The following UBE3A variants were observed in gnomAD, a reference collection of about 807,000 sequenced individuals.
The protein encoded by UBE3A is ubiquitin-protein ligase E3A.
A neutral mutation model predicts 83.4 loss-of-function variants in UBE3A; 6 were observed. That is an observed-to-expected ratio of 0.07 (90% CI 0.04 to 0.14). The LOEUF (loss-of-function observed/expected upper bound fraction) is 0.14. Ranked by LOEUF, UBE3A falls within the 10% of genes least tolerant of loss-of-function variation. The pLI is 1.00. For synonymous variants in UBE3A, 337 were observed against 355.4 expected, an observed-to-expected ratio of 0.95 and a Z score of 0.58; for missense variants, 456 against 1,036.1, an observed-to-expected ratio of 0.44 and a Z score of 7.69.
At chr15:25,387,380 C>T (rs980756093) in intron 4 of UBE3A, among the ~76,000 whole-genome samples, 1 of 151,866 alleles carries the variant, frequency 6.6e-6, no homozygotes, top group Non-Finnish European at 1.5e-5. Flanking sequence ...AAATTAGCCA[C>T]ACGTGGTGGC....
intron 1 of UBE3A, among the ~76,000 whole-genome samples, chr15:25,419,641 A>G (rs1888735553): frequency 6.6e-6 from 1 of 152,144 alleles, no homozygotes; most frequent in African/African-American, 2.4e-5. Flanking sequence ...TGTTATTCTT[A>G]GTTTTTAAGT....
rs1247345581 is a variant in UBE3A at position 25,370,288 on chromosome 15, CTGAA to C, written c.1608+274_1608+277del. Among the ~76,000 whole-genome samples, 1 of 152,194 alleles carries C rather than the reference CTGAA, an allele frequency of 6.6e-6. No individual in the cohort carries two copies. The highest frequency in any genetic ancestry group is 2.4e-5 in the African/African-American group (1 of 41,446). On this transcript the variant is annotated intron_variant, in intron 6 of 12. Coordinates refer to ENST00000648336, the MANE Select transcript of UBE3A (RefSeq NM_130839.5). The surrounding 1 kb of genome is among the most constrained non-coding windows in gnomAD (Gnocchi z 4.2). ...TCTTTGTCCAACACTCTATTCTCTT[CTGAA>C]TGAAAGAAACTTTGGATTTAGTTTT...
intron 6 of UBE3A, among the ~76,000 whole-genome samples, chr15:25,362,833 T>C (rs149640531): frequency 4.8e-4 from 73 of 152,318 alleles, no homozygotes; most frequent in Middle Eastern, 3.4e-3. Flanking sequence ...TGTAAGTCAG[T>C]GTTTATATTT....
intron 4 of UBE3A, chr15:25,393,880 C>T (rs1485058786): frequency 6.6e-6 from 1 of 152,204 alleles, no homozygotes; most frequent in East Asian, 1.9e-4. Context: ...AAGCAAAGGG[C>T]CTTAGCGTGC....
chr15:25,432,057 G>C (rs1443556075), intron 1 of UBE3A, among the ~76,000 whole-genome samples: 1 of 152,160 alleles, frequency 6.6e-6, no homozygotes, highest in Non-Finnish European at 1.5e-5. Context: ...TCTGTTAAGA[G>C]ACAAAAAAGT....
chr15:25,434,043 C>A (rs1248462175), intron 1 of UBE3A, among the ~76,000 whole-genome samples: 1 of 152,204 alleles, frequency 6.6e-6, no homozygotes, highest in South Asian at 2.1e-4. Context: ...ACTTGGGCAA[C>A]ACAGCGAGAC....
chr15:25,383,656 A>T (rs2082589871), intron 4 of UBE3A, among the ~76,000 whole-genome samples: 1 of 152,114 alleles, frequency 6.6e-6, no homozygotes, highest in African/African-American at 2.4e-5. Context: ...ACAAAAACAA[A>T]AACGCTCAAT....
At chr15:25,435,423 T>C (rs929047747) in intron 1 of UBE3A, among the ~76,000 whole-genome samples, 1 of 152,204 alleles carries the variant, frequency 6.6e-6, no homozygotes, top group Non-Finnish European at 1.5e-5. Context: ...ATGCCTGCTC[T>C]AGTGCTGTGG....
intron 1 of UBE3A, among the ~76,000 whole-genome samples, chr15:25,412,679 C>T (rs2090206664): frequency 6.6e-6 from 1 of 151,110 alleles, no homozygotes; most frequent in Admixed American, 6.6e-5. Context: ...AAATAAAGTC[C>T]TTTCATGTAC....
chr15:25,372,726 T>C (rs1320703140), intron 5 of UBE3A, among the ~76,000 whole-genome samples: 1 of 152,212 alleles, frequency 6.6e-6, no homozygotes, highest in Admixed American at 6.5e-5. Flanking sequence ...ATACTGAGAA[T>C]AGTCTTAATT....
At chr15:25,351,200 T>G (rs994951887) in intron 11 of UBE3A, among the ~76,000 whole-genome samples, 1 of 152,176 alleles carries the variant, frequency 6.6e-6, no homozygotes, top group Admixed American at 6.5e-5. Flanking sequence ...TTTATATACA[T>G]GTATACAGAT....
intron 4 of UBE3A, among the ~76,000 whole-genome samples, chr15:25,383,532 G>A (rs1479700224): frequency 6.6e-6 from 1 of 152,110 alleles, no homozygotes; most frequent in Non-Finnish European, 1.5e-5. Context: ...AGCTACTCGG[G>A]AGGCTGAGGC....
chr15:25,429,838 C>A (rs1350094048), intron 1 of UBE3A, among the ~76,000 whole-genome samples: 1 of 150,688 alleles, frequency 6.6e-6, no homozygotes, highest in African/African-American at 2.5e-5. Context: ...AACCCTGTAT[C>A]TACTAAAAAT....
At chr15:25,378,707 C>A (rs1298505810) in intron 4 of UBE3A, among the ~76,000 whole-genome samples, 4 of 152,010 alleles carry the variant, frequency 2.6e-5, no homozygotes, top group Non-Finnish European at 4.4e-5. Flanking sequence ...GAAGGTGATT[C>A]ATTTCAAAAT....
At chr15:25,412,535 T>C (rs928137207) in intron 1 of UBE3A, among the ~76,000 whole-genome samples, 1 of 152,150 alleles carries the variant, frequency 6.6e-6, no homozygotes, top group African/African-American at 2.4e-5. Flanking sequence ...TTATAATTTA[T>C]TAAATCAACC....
Position 25,337,609 on chromosome 15 carries a change from T to C in UBE3A, c.*1528A>G, listed in dbSNP as rs1471554854. Reference sequence around the variant, plus strand: ...CATCCTTTTTCTCCCCCCAATGATTTGAAAGCTGCATTTTTCCTGCCAATT... The same window carrying C: ...CATCCTTTTTCTCCCCCCAATGATTCGAAAGCTGCATTTTTCCTGCCAATT... On this transcript the variant is annotated 3_prime_UTR_variant, in exon 13 of 13. Coordinates refer to ENST00000648336, the MANE Select transcript of UBE3A (RefSeq NM_130839.5). The C allele has an allele frequency of 6.6e-6, 1 of 152,144 alleles. No homozygotes were observed. Among genetic ancestry groups the C allele is most frequent in the Non-Finnish European group, 1.5e-5 (1 of 68,010 alleles). 9.4% of individuals were successfully genotyped at this position (152,144 alleles called of 1,614,324 possible).
intron 4 of UBE3A, among the ~76,000 whole-genome samples, chr15:25,390,981 C>G (rs993387481): frequency 3.3e-5 from 5 of 151,808 alleles, no homozygotes; most frequent in Admixed American, 1.3e-4. Flanking sequence ...TACATATGAT[C>G]CAGTAATCCT....
At chr15:25,387,638 C>A (rs1257456044) in intron 4 of UBE3A, among the ~76,000 whole-genome samples, 2 of 151,886 alleles carry the variant, frequency 1.3e-5, no homozygotes, top group East Asian at 3.9e-4. Flanking sequence ...GAGCAGAAAT[C>A]AATGAAATTG....
intron 11 of UBE3A, among the ~76,000 whole-genome samples, chr15:25,351,781 T>G (rs1163834011): frequency 2.6e-5 from 4 of 152,242 alleles, no homozygotes; most frequent in Non-Finnish European, 5.9e-5. Context: ...TTTCATTTCT[T>G]GTTGACTGCT....
Sources: gnomAD v4.1 joint callset for allele counts (sites outside exome capture counted in the v4.1 genomes callset) on GRCh38, gnomAD v4.1.1 for gene constraint, Gnocchi (gnomAD v3.1) non-coding constraint, MANE v1.5 for transcripts, NCBI Gene and HGNC (gene_info 2026-07-23, HGNC 2026-07-21) for gene names.